SHISA5: variants seen among roughly 807,000 people sequenced by gnomAD.
SHISA5 encodes protein shisa-5.
SHISA5 carries 21 observed loss-of-function variants against 27.5 expected under a neutral mutation model. That is an observed-to-expected ratio of 0.76 (90% CI 0.54 to 1.10). SHISA5 has a LOEUF of 1.10. Ranked by LOEUF, SHISA5 falls within the 50% of genes least tolerant of loss-of-function variation. SHISA5 has a pLI of 0.00. For synonymous variants in SHISA5, 137 were observed against 142.2 expected, an observed-to-expected ratio of 0.96 and a Z score of 0.26; for missense variants, 314 against 336.3, an observed-to-expected ratio of 0.93 and a Z score of 0.52.
Position 48,473,507 on chromosome 3 carries a change from G to C in SHISA5, c.315-3664C>G. The C allele has an allele frequency of 7.8e-7, 1 of 1,290,146 alleles. No individual in the cohort carries two copies. The highest frequency in any genetic ancestry group is 1.5e-5 in the African/African-American group (1 of 66,002). The allele number at this position is 1,290,146 out of a possible 1,614,324, so 79.9% of individuals were successfully genotyped here. On this transcript the variant is annotated intron_variant, in intron 3 of 5. Transcript: ENST00000296444. The surrounding 1 kb of genome is among the most constrained non-coding windows in gnomAD (Gnocchi z 4.3). ...CCCAGAGGGCGACCCTGGGGCCCTG[G>C]CTGACACACATGCAAGGAGCAAAGT...
chr3:48,493,028 A>C (rs920218438), intron 2 of SHISA5, among the ~76,000 whole-genome samples: 1 of 147,796 alleles, frequency 6.8e-6, no homozygotes. Context: ...ACTAAAACAC[A>C]TGAAACTTTC....
chr3:48,504,425 G>A (rs1007798600), upstream of SHISA5: 6 of 242,854 alleles, frequency 2.5e-5, no homozygotes, highest in Non-Finnish European at 4.0e-5. This position sits in a 1 kb window ranked among gnomAD's most constrained non-coding sequence, Gnocchi z 4.0. Flanking sequence ...CTGCTCACCG[G>A]ATGCATGGGG....
Position 48,469,039 on chromosome 3 carries a change from C to CGTGCCTGGACACACACAGCACACATGGG in SHISA5, c.*67_*68insCCCATGTGTGCTGTGTGTGTCCAGGCAC, listed in dbSNP as rs1399737815. 1.0e-5 allele frequency: 16 copies of CGTGCCTGGACACACACAGCACACATGGG among 1,607,530 alleles called. No homozygotes were observed. The African/African-American group carries it at 2.0e-4, about 20-fold the overall frequency. ...ACAGCACACATGGGGCGTAAGGAAC[C>CGTGCCTGGACACACACAGCACACATGGG]GCGCCTGCACACCACTCACGCACAC... is the stretch of plus-strand genomic sequence containing the variant. On this transcript the variant is annotated 3_prime_UTR_variant, in exon 6 of 6. Coordinates refer to ENST00000296444, the MANE Select transcript of SHISA5 (RefSeq NM_016479.6). This position sits in a 1 kb window ranked among gnomAD's most constrained non-coding sequence, Gnocchi z 4.6.
intron 2 of SHISA5, among the ~76,000 whole-genome samples, chr3:48,484,452 G>A (rs928723115): frequency 2.6e-5 from 4 of 151,026 alleles, no homozygotes; most frequent in Non-Finnish European, 5.9e-5. Context: ...AAAAATTAGC[G>A]GGGCGTGGTG....
intron 2 of SHISA5, among the ~76,000 whole-genome samples, chr3:48,481,153 A>T (rs1449707571): frequency 6.6e-6 from 1 of 152,008 alleles, no homozygotes; most frequent in Non-Finnish European, 1.5e-5. Context: ...TATTAAACTC[A>T]AGATGAGCTG....
rs552952312 is a variant in SHISA5, at chr3:48,468,990, G to A, written c.*117C>T. 60 of 1,574,830 alleles carry A rather than the reference G, an allele frequency of 3.8e-5. No homozygotes were observed. Among genetic ancestry groups the A allele is most frequent in the East Asian group, 2.0e-4 (9 of 44,728 alleles). ...AGGACACACACAGCACACATGGGGC[G>A]TAAGGAACCGTGCCTGGACACACAC... On this transcript the variant is annotated 3_prime_UTR_variant, in exon 6 of 6. Coordinates refer to ENST00000296444, the MANE Select transcript of SHISA5 (RefSeq NM_016479.6).
rs2041138060 is a variant in SHISA5, at chr3:48,484,597, A to G, written c.234-5340T>C. ...CAGAGCGAGACACTGTCTCAAAACC[A>G]AAAAATAAAGAAGGCCAGGCACAGT... On this transcript the variant is annotated intron_variant, in intron 2 of 5. Coordinates refer to ENST00000296444, the MANE Select transcript of SHISA5 (RefSeq NM_016479.6). Among the ~76,000 whole-genome samples the G allele has an allele frequency of 2.0e-5, 3 of 150,470 alleles. No homozygotes were observed. In the South Asian group the frequency reaches 6.3e-4, roughly 32 times the overall value.
Position 48,473,057 on chromosome 3 carries a change from C to G in SHISA5, c.315-3214G>C. 3 of 1,527,224 alleles carry G rather than the reference C, an allele frequency of 2.0e-6. No individual in the cohort carries two copies. The highest frequency in any genetic ancestry group is 2.6e-6 in the Non-Finnish European group (3 of 1,143,866). The allele number at this position is 1,527,224 out of a possible 1,614,324, so 94.6% of individuals were successfully genotyped here. ...CCCAGAGGCCTCCTGTACCCCTGGG[C>G]TTTCCCCTCTTCCCATCGTGGGCCA... On this transcript the variant is annotated intron_variant, in intron 3 of 5. Transcript: ENST00000296444. The surrounding 1 kb of genome is among the most constrained non-coding windows in gnomAD (Gnocchi z 4.3).
At position 48,470,059 on chromosome 3, in the gene SHISA5, C is replaced by G. The variant is rs781574455; in HGVS notation, c.315-216G>C. 94 of 600,248 alleles carry G rather than the reference C, an allele frequency of 1.6e-4. No individual in the cohort carries two copies. The highest frequency in any genetic ancestry group is 1.4e-3 in the African/African-American group (77 of 53,810). The allele number at this position is 600,248 out of a possible 1,614,324, so 37.2% of individuals were successfully genotyped here. ...TAACTGTCTCTCCCTGGGTCTCCCC[C>G]GCTTGTCCCACCCTCAGAGGCATGG... On this transcript the variant is annotated intron_variant, in intron 3 of 5. Coordinates refer to ENST00000296444, the MANE Select transcript of SHISA5 (RefSeq NM_016479.6). The surrounding 1 kb of genome is among the most constrained non-coding windows in gnomAD (Gnocchi z 4.3).
At chr3:48,503,177 G>GAGCCT (rs2041804989) in intron 1 of SHISA5, 1 of 1,289,638 alleles carries the variant, frequency 7.8e-7, no homozygotes, top group Non-Finnish European at 1.0e-6. Flanking sequence ...AGCCCAATCT[G>GAGCCT]AGCCTCTGAG....
intron 3 of SHISA5, among the ~76,000 whole-genome samples, chr3:48,476,503 C>T (rs1408105733): frequency 6.6e-6 from 1 of 152,190 alleles, no homozygotes; most frequent in Non-Finnish European, 1.5e-5. Flanking sequence ...GAGCTCCTGG[C>T]CATGGCCTCG....
intron 3 of SHISA5, among the ~76,000 whole-genome samples, chr3:48,475,824 G>C (rs2040807339): frequency 6.6e-6 from 1 of 152,208 alleles, no homozygotes; most frequent in African/African-American, 2.4e-5. Flanking sequence ...GACTATCTGG[G>C]GAGTGAATAA....
intron 3 of SHISA5, chr3:48,477,114 A>G: frequency 2.3e-6 from 1 of 438,894 alleles, no homozygotes; most frequent in South Asian, 1.6e-5. Flanking sequence ...GAAAAAAAAA[A>G]AAAAAAGAAA....
At chr3:48,476,914 A>G (rs2040844213) in intron 3 of SHISA5, 1 of 359,590 alleles carries the variant, frequency 2.8e-6, no homozygotes, top group African/African-American at 2.2e-5. Flanking sequence ...TATGCACACC[A>G]CGGCGGCAGC....
intron 2 of SHISA5, among the ~76,000 whole-genome samples, chr3:48,485,432 T>C (rs1184271811): frequency 6.7e-6 from 1 of 150,012 alleles, no homozygotes; most frequent in Non-Finnish European, 1.5e-5. Context: ...GAGGTGGAGG[T>C]TGCAGTGAGC....
intron 3 of SHISA5, among the ~76,000 whole-genome samples, chr3:48,472,413 G>A (rs1026610667): frequency 1.3e-5 from 2 of 151,878 alleles, no homozygotes; most frequent in Non-Finnish European, 2.9e-5. Flanking sequence ...GAAGAATCAC[G>A]TGAACCCATG....
rs768794393 is a variant in SHISA5 at position 48,480,048 on chromosome 3, C to T, written c.234-791G>A. 7.9e-5 allele frequency among the ~76,000 whole-genome samples: 12 copies of T among 152,066 alleles called. No homozygotes were observed. In the South Asian group the frequency reaches 8.3e-4, roughly 11 times the overall value. On this transcript the variant is annotated intron_variant, in intron 2 of 5. Transcript: ENST00000296444. ...CCTCCCGAGTAGCTGGGTCTACAGG[C>T]GCCCACAACTACGCCCGGCTAATTT... is the stretch of plus-strand genomic sequence containing the variant.
At position 48,468,104 on chromosome 3, in the gene SHISA5, A is replaced by AGTT. The variant is rs2040423093; in HGVS notation, c.*1000_*1002dup. 1 of 971,202 alleles carries AGTT rather than the reference A, an allele frequency of 1.0e-6. No homozygotes were observed. Among genetic ancestry groups the AGTT allele is most frequent in the Non-Finnish European group, 1.2e-6 (1 of 808,336 alleles). The allele number at this position is 971,202 out of a possible 1,614,324, so 60.2% of individuals were successfully genotyped here. A position where few individuals can be genotyped will look rare whatever the true frequency, so the allele number is the denominator to read the frequency against. On this transcript the variant is annotated 3_prime_UTR_variant, in exon 6 of 6. Transcript: ENST00000296444. Reference sequence around the variant, plus strand: ...AGAACACCGTGGACTGGGGTACAGGAGTTGTTGCATATTCCATGAGGCTGG... The same window carrying AGTT: ...AGAACACCGTGGACTGGGGTACAGGAGTTGTTGTTGCATATTCCATGAGGCTGG...
intron 2 of SHISA5, among the ~76,000 whole-genome samples, chr3:48,496,933 C>T (rs1431803494): frequency 1.3e-5 from 2 of 151,590 alleles, no homozygotes; most frequent in African/African-American, 4.8e-5. Flanking sequence ...AGTAAAATGT[C>T]AATTCCACAG....
Sources: allele counts gnomAD v4.1 joint callset (sites outside exome capture counted in the v4.1 genomes callset), GRCh38; gene constraint gnomAD v4.1.1; non-coding constraint Gnocchi (gnomAD v3.1); transcripts MANE v1.5; gene names NCBI Gene and HGNC (gene_info 2026-07-23, HGNC 2026-07-21).